Variants in ODAD2 observed in about 807,000 individuals in gnomAD.
ODAD2 encodes outer dynein arm-docking complex subunit 2.
ODAD2 carries 89 observed loss-of-function variants against 106.8 expected under a neutral mutation model. The ratio of observed to expected loss-of-function variants is 0.83; its 90% confidence interval spans 0.70 to 0.99. The LOEUF (loss-of-function observed/expected upper bound fraction) is 0.99, where lower values mean the gene tolerates loss of function less well. Ranked by LOEUF, ODAD2 falls within the 50% of genes least tolerant of loss-of-function variation. The probability of loss-of-function intolerance (pLI) is 0.00; values close to 1 mark genes in which losing one functional copy is unlikely to be tolerated. For synonymous variants in ODAD2, 404 were observed against 436.2 expected (o/e 0.93, Z 0.92); for missense variants, 1,168 against 1,238.5 (o/e 0.94, Z 0.85).
intron 16 of ODAD2, among the ~76,000 whole-genome samples, chr10:27,931,032 A>G (rs906291834): frequency 3.3e-5 from 5 of 152,316 alleles, no homozygotes; most frequent in African/African-American, 1.2e-4. Flanking sequence ...TCTACTTCTG[A>G]TGCCTCATAA....
intron 10 of ODAD2, among the ~76,000 whole-genome samples, chr10:27,960,125 T>C (rs1848020523): frequency 6.6e-6 from 1 of 151,780 alleles, no homozygotes; most frequent in Non-Finnish European, 1.5e-5. Flanking sequence ...TTAACTGTTC[T>C]CTCCAATAGT....
intron 16 of ODAD2, among the ~76,000 whole-genome samples, chr10:27,919,000 C>A (rs1844590507): frequency 6.6e-6 from 1 of 151,244 alleles, no homozygotes; most frequent in African/African-American, 2.4e-5. Context: ...GGAAAATGTG[C>A]AATGCTCTAC....
intron 17 of ODAD2, among the ~76,000 whole-genome samples, chr10:27,867,936 A>C (rs1840566643): frequency 6.6e-6 from 1 of 151,896 alleles, no homozygotes; most frequent in South Asian, 2.1e-4. Flanking sequence ...GTGACAGAGC[A>C]AAACTCTGTC....
chr10:27,859,885 GT>G (rs1339746373), intron 19 of ODAD2, among the ~76,000 whole-genome samples: 1 of 152,082 alleles, frequency 6.6e-6, no homozygotes, highest in Non-Finnish European at 1.5e-5. Context: ...ATCTATTGTT[GT>G]TATGGTTTAG....
chr10:27,932,921 T>C (rs112178986), intron 16 of ODAD2, among the ~76,000 whole-genome samples: 3 of 152,198 alleles, frequency 2.0e-5, no homozygotes, highest in African/African-American at 7.2e-5. Flanking sequence ...ATCCAGTGGC[T>C]AGCACAAAAG....
intron 2 of ODAD2, among the ~76,000 whole-genome samples, chr10:27,994,485 T>C (rs1850429581): frequency 6.6e-6 from 1 of 152,030 alleles, no homozygotes. Flanking sequence ...ACCCTAGCAT[T>C]GTAGAAGGCT....
rs372904098 is a variant in ODAD2 at position 27,971,352 on chromosome 10, G to C, written c.937-39C>G. 3 of 1,480,152 alleles carry C rather than the reference G, an allele frequency of 2.0e-6. No individual in the cohort carries two copies. In the Admixed American group the frequency reaches 6.4e-5, roughly 32 times the overall value. The allele number at this position is 1,480,152 out of a possible 1,614,324, so 91.7% of individuals were successfully genotyped here. On this transcript the variant is annotated intron_variant, in intron 7 of 19. Coordinates refer to ENST00000305242, the MANE Select transcript of ODAD2 (RefSeq NM_018076.5). Reference sequence around the variant, plus strand: ...ATGAGAATAATTTTTAATGATATCTGAATTATCTAGTGTTCTCTGAAGATT... The same window carrying C: ...ATGAGAATAATTTTTAATGATATCTCAATTATCTAGTGTTCTCTGAAGATT...
At chr10:27,940,522 T>C (rs768565973) in intron 13 of ODAD2, 41 bp downstream of exon 13, 8 of 1,604,422 alleles carry the variant, frequency 5.0e-6, no homozygotes, top group Non-Finnish European at 1.7e-6. Flanking sequence ...CTAAAGAAAG[T>C]CAAGTTGAGA....
chr10:27,921,959 G>A (rs1212933706), intron 16 of ODAD2, among the ~76,000 whole-genome samples: 1 of 151,174 alleles, frequency 6.6e-6, no homozygotes. Flanking sequence ...TTCAGCTCAG[G>A]GGTTCGAGAC....
chr10:27,893,416 C>T (rs990711432), intron 17 of ODAD2, among the ~76,000 whole-genome samples: 13 of 152,256 alleles, frequency 8.5e-5, no homozygotes, highest in East Asian at 5.8e-4. Context: ...GCCTGACAGA[C>T]GTGGTAGGGG....
intron 7 of ODAD2, among the ~76,000 whole-genome samples, chr10:27,981,231 T>A (rs553914586): frequency 6.6e-6 from 1 of 152,150 alleles, no homozygotes; most frequent in East Asian, 1.9e-4. Context: ...GAAAAAGACT[T>A]GGAAATTGAC....
intron 19 of ODAD2, among the ~76,000 whole-genome samples, chr10:27,831,672 C>T (rs1462513944): frequency 6.6e-6 from 1 of 152,232 alleles, no homozygotes; most frequent in Admixed American, 6.5e-5. Flanking sequence ...GCGTACGTGC[C>T]CACACAGAGG....
intron 17 of ODAD2, among the ~76,000 whole-genome samples, chr10:27,885,688 A>ATTATATATAAAAT (rs1239140397): frequency 1.9e-5 from 1 of 53,048 alleles, no homozygotes; most frequent in Non-Finnish European, 3.2e-5. Flanking sequence ...TATAATATAT[A>ATTATATATAAAAT]ATATATAATA....
intron 16 of ODAD2, among the ~76,000 whole-genome samples, chr10:27,912,135 T>G (rs1844055939): frequency 6.6e-6 from 1 of 152,210 alleles, no homozygotes; most frequent in Admixed American, 6.5e-5. Flanking sequence ...ATAGGTGGTG[T>G]TAATTTATAC....
At chr10:27,972,606 A>C (rs927828222) in intron 7 of ODAD2, among the ~76,000 whole-genome samples, 5 of 152,158 alleles carry the variant, frequency 3.3e-5, no homozygotes, top group African/African-American at 1.2e-4. Flanking sequence ...AACAATAATC[A>C]AAAGAAAGCA....
chr10:27,903,915 A>G (rs1236768486), intron 17 of ODAD2, among the ~76,000 whole-genome samples: 1 of 152,152 alleles, frequency 6.6e-6, no homozygotes, highest in Non-Finnish European at 1.5e-5. Context: ...TCCCAACCAG[A>G]AAGACTTCCT....
Position 27,812,171 on chromosome 10 carries a change from G to T in ODAD2, c.*341C>A. The T allele has an allele frequency of 4.6e-6, 1 of 218,662 alleles. No individual in the cohort carries two copies. The highest frequency in any genetic ancestry group is 8.6e-6 in the Non-Finnish European group (1 of 116,726). The allele number at this position is 218,662 out of a possible 1,614,324, so 13.5% of individuals were successfully genotyped here. A position where few individuals can be genotyped will look rare whatever the true frequency, so the allele number is the denominator to read the frequency against. On this transcript the variant is annotated 3_prime_UTR_variant, in exon 20 of 20. Coordinates refer to ENST00000305242, the MANE Select transcript of ODAD2 (RefSeq NM_018076.5). ...TGAACAACTATGAAACTGTGCATTG[G>T]GAAGGCCATATCCTTTTTATTAAAA...
intron 15 of ODAD2, among the ~76,000 whole-genome samples, chr10:27,936,463 T>C (rs1163589147): frequency 6.6e-6 from 1 of 152,228 alleles, no homozygotes; most frequent in African/African-American, 2.4e-5. Context: ...CTAATTCAAA[T>C]GGCTGCCCAT....
At chr10:27,917,568 T>A (rs931168382) in intron 16 of ODAD2, among the ~76,000 whole-genome samples, 4 of 151,604 alleles carry the variant, frequency 2.6e-5, no homozygotes, top group African/African-American at 4.8e-5. Context: ...ATAGAGAAAA[T>A]AAAGTCAAAA....
Sources: gnomAD v4.1 joint callset for allele counts (sites outside exome capture counted in the v4.1 genomes callset) on GRCh38, gnomAD v4.1.1 for gene constraint, MANE v1.5 for transcripts, NCBI Gene and HGNC (gene_info 2026-07-23, HGNC 2026-07-21) for gene names.